Variants in JAK1 observed in about 807,000 individuals in gnomAD.
The protein encoded by JAK1 is Janus kinase 1.
JAK1 carries 16 observed loss-of-function variants against 136.6 expected under a neutral mutation model. That is an observed-to-expected ratio of 0.12 (90% CI 0.08 to 0.18). JAK1 has a LOEUF of 0.18. JAK1 is among the 10% of genes least tolerant of loss of function. The pLI, the probability that JAK1 is intolerant of heterozygous loss-of-function variation, is 1.00. For missense variants in JAK1, 859 were observed against 1,450.1 expected (o/e 0.59, Z 6.62); for synonymous variants, 492 against 519.5 (o/e 0.95, Z 0.72).
intron 4 of JAK1, among the ~76,000 whole-genome samples, chr1:64,877,977 G>A (rs2101200548): frequency 6.6e-6 from 1 of 152,264 alleles, no homozygotes. Context: ...GTTAGATCTG[G>A]TTCAGTGTCC....
At chr1:65,036,844 C>T (rs79695825) in intron 2 of JAK1, among the ~76,000 whole-genome samples, 5,523 of 152,258 alleles carry the variant, frequency 0.036, 132 homozygotes, top group Middle Eastern at 0.071. Flanking sequence ...AAAAACTGTG[C>T]ATAACTAGAG....
At chr1:65,042,823 C>T (rs1647147199) in intron 2 of JAK1, among the ~76,000 whole-genome samples, 3 of 152,206 alleles carry the variant, frequency 2.0e-5, no homozygotes, top group African/African-American at 7.2e-5. Flanking sequence ...GGTCATCAGC[C>T]TCAGCCAGAA....
At chr1:64,892,217 G>A (rs1381530359) in intron 1 of JAK1, among the ~76,000 whole-genome samples, 2 of 152,052 alleles carry the variant, frequency 1.3e-5, no homozygotes, top group Non-Finnish European at 2.9e-5. Flanking sequence ...AGACTTGGTG[G>A]CACAAATGGA....
At chr1:64,921,028 C>A (rs1645485512) in intron 1 of JAK1, among the ~76,000 whole-genome samples, 1 of 152,132 alleles carries the variant, frequency 6.6e-6, no homozygotes, top group African/African-American at 2.4e-5. Flanking sequence ...TGACTTTTAA[C>A]CTGAAAACTG....
chr1:64,867,332 G>A (rs956299880), intron 6 of JAK1, 124 bp from the exon 7 acceptor site: 17 of 671,860 alleles, frequency 2.5e-5, no homozygotes, highest in Admixed American at 1.5e-4. Flanking sequence ...TATTCCCAGA[G>A]GACGTTAGAT....
intron 2 of JAK1, among the ~76,000 whole-genome samples, chr1:65,031,579 C>T (rs1437105933): frequency 6.6e-6 from 1 of 152,072 alleles, no homozygotes. Flanking sequence ...ATTATTAGGG[C>T]AATTAATGGA....
At chr1:64,916,697 G>A (rs948131237) in intron 1 of JAK1, among the ~76,000 whole-genome samples, 3 of 152,012 alleles carry the variant, frequency 2.0e-5, no homozygotes, top group Non-Finnish European at 4.4e-5. Context: ...AATTAGCCAG[G>A]TGTGGTGGCA....
intron 1 of JAK1, among the ~76,000 whole-genome samples, chr1:64,962,525 T>C (rs1190721104): frequency 6.6e-6 from 1 of 152,198 alleles, no homozygotes; most frequent in African/African-American, 2.4e-5. Flanking sequence ...TGTTTTATGC[T>C]TTCCTGTCGC....
At chr1:64,921,689 G>A (rs1226515530) in intron 1 of JAK1, among the ~76,000 whole-genome samples, 1 of 152,036 alleles carries the variant, frequency 6.6e-6, no homozygotes, top group Non-Finnish European at 1.5e-5. Flanking sequence ...AAAATAAGTG[G>A]TTGAAATAAA....
At chr1:65,016,848 A>G (rs1441127077) in intron 2 of JAK1, among the ~76,000 whole-genome samples, 2 of 151,396 alleles carry the variant, frequency 1.3e-5, no homozygotes, top group Non-Finnish European at 2.9e-5. Flanking sequence ...CAGTGAGCCG[A>G]GATCGCGCCA....
At chr1:65,032,839 A>C (rs1405254054) in intron 2 of JAK1, among the ~76,000 whole-genome samples, 2 of 152,214 alleles carry the variant, frequency 1.3e-5, no homozygotes, top group Admixed American at 6.5e-5. Context: ...GAAAATGTAA[A>C]AGACTGAGAC....
intron 1 of JAK1, among the ~76,000 whole-genome samples, chr1:64,965,584 T>C (rs1646358752): frequency 6.6e-6 from 1 of 151,712 alleles, no homozygotes; most frequent in Non-Finnish European, 1.5e-5. Flanking sequence ...GCGGATGGAG[T>C]TGGAGTGAGG....
intron 2 of JAK1, among the ~76,000 whole-genome samples, chr1:65,035,941 G>A (rs1468762370): frequency 4.6e-5 from 7 of 151,946 alleles, no homozygotes; most frequent in Middle Eastern, 3.2e-3. Context: ...GGTAGCGCAC[G>A]CCTGTAGTCC....
chr1:64,906,224 GC>G (rs1395686353), intron 1 of JAK1, among the ~76,000 whole-genome samples: 1 of 151,662 alleles, frequency 6.6e-6, no homozygotes, highest in Non-Finnish European at 1.5e-5. Context: ...AACCTGGGAG[GC>G]GGGAGCTGCA....
intron 2 of JAK1, among the ~76,000 whole-genome samples, chr1:64,979,234 A>C (rs921698156): frequency 2.0e-5 from 3 of 152,160 alleles, no homozygotes; most frequent in Non-Finnish European, 4.4e-5. Flanking sequence ...CTATAAAAAA[A>C]AATGAATAAA....
chr1:64,876,002 G>A (rs1471518403), intron 4 of JAK1: 2 of 152,394 alleles, frequency 1.3e-5, no homozygotes, highest in Non-Finnish European at 2.9e-5. Context: ...AGGGGTAAAT[G>A]CTGTTTGATG....
In JAK1 at chr1:64,857,912, A is replaced by G. The variant is rs1656042619; in HGVS notation, c.1335-133T>C. On this transcript the variant is annotated intron_variant, in intron 9 of 24. Coordinates refer to ENST00000342505, the MANE Select transcript of JAK1 (RefSeq NM_002227.4). ...CACTATCTGCCCTGCCTGGGATCCTAAAGTCCCCTCTGATGCCATCCATGA... is the reference window on the plus strand; with the variant it reads ...CACTATCTGCCCTGCCTGGGATCCTGAAGTCCCCTCTGATGCCATCCATGA... 5 of 1,089,780 alleles carry G rather than the reference A, an allele frequency of 4.6e-6. No individual in the cohort carries two copies. The South Asian group carries it at 6.0e-5, about 13-fold the overall frequency. 67.5% of individuals were successfully genotyped at this position (1,089,780 alleles called of 1,614,324 possible). A position where few individuals can be genotyped will look rare whatever the true frequency, so the allele number is the denominator to read the frequency against.
chr1:64,945,710 CCT>C (rs1320389475), intron 1 of JAK1, among the ~76,000 whole-genome samples: 3 of 149,292 alleles, frequency 2.0e-5, no homozygotes, highest in South Asian at 4.3e-4. Context: ...CAATTTGTAC[CCT>C]GTTATACTGG....
chr1:65,036,386 G>C (rs1455606201), intron 2 of JAK1, among the ~76,000 whole-genome samples: 1 of 151,988 alleles, frequency 6.6e-6, no homozygotes, highest in Admixed American at 6.6e-5. Flanking sequence ...AGTGAACTAT[G>C]ATAAAGCCAC....
Sources: allele counts gnomAD v4.1 joint callset (sites outside exome capture counted in the v4.1 genomes callset), GRCh38; gene constraint gnomAD v4.1.1; transcripts MANE v1.5; gene names NCBI Gene and HGNC (gene_info 2026-07-23, HGNC 2026-07-21).